DRC10: variants seen among roughly 807,000 people sequenced by gnomAD.
The protein encoded by DRC10 is IQ domain-containing protein D.
the DRC10 span, chr12:113,203,223 C>T: frequency 3.0e-6 from 1 of 332,848 alleles, no homozygotes; most frequent in Admixed American, 3.8e-5. Flanking sequence ...CAGGGTTTTG[C>T]CGTGTTGCCC....
the DRC10 span, chr12:113,207,761 G>C: frequency 9.1e-4 from 1,470 of 1,614,156 alleles, 13 homozygotes; most frequent in African/African-American, 0.018. Context: ...GATTTCTGCA[G>C]CTCTATGGAA....
the DRC10 span, among the ~76,000 whole-genome samples, chr12:113,204,853 T>C: frequency 3.3e-5 from 5 of 151,960 alleles, no homozygotes; most frequent in African/African-American, 7.2e-5. Context: ...CACTTGAACC[T>C]GGGAGGTGAA....
At chr12:113,207,627 G>T in the DRC10 span, 2 of 1,614,052 alleles carry the variant, frequency 1.2e-6, no homozygotes, top group South Asian at 2.2e-5. Flanking sequence ...TAAAATTCTG[G>T]GCTTCTGCAC....
At chr12:113,217,865 A>G in the DRC10 span, among the ~76,000 whole-genome samples, 1 of 152,190 alleles carries the variant, frequency 6.6e-6, no homozygotes, top group Admixed American at 6.6e-5. Context: ...GATAGTTCAT[A>G]TAAATGGGAT....
chr12:113,213,259 C>T, the DRC10 span, among the ~76,000 whole-genome samples: 5 of 146,872 alleles, frequency 3.4e-5, no homozygotes, highest in African/African-American at 7.5e-5. Context: ...TAAATTCACT[C>T]TTAATTTAGG....
chr12:113,213,389 T>G, the DRC10 span, among the ~76,000 whole-genome samples: 6 of 152,238 alleles, frequency 3.9e-5, no homozygotes, highest in Non-Finnish European at 8.8e-5. Context: ...TTTTCCATCC[T>G]CATCCGGATC....
At chr12:113,212,635 G>A in the DRC10 span, among the ~76,000 whole-genome samples, 1 of 152,174 alleles carries the variant, frequency 6.6e-6, no homozygotes, top group Non-Finnish European at 1.5e-5. Flanking sequence ...GCTTTAAAGG[G>A]CAAACTTGTT....
chr12:113,202,874 T>C, the DRC10 span: 1 of 295,180 alleles, frequency 3.4e-6, no homozygotes, highest in Admixed American at 3.8e-5. Flanking sequence ...AAGCCACAGC[T>C]ATTTTGGGTG....
the DRC10 span, among the ~76,000 whole-genome samples, chr12:113,197,311 ACAGGCATGAGC>A: frequency 6.6e-6 from 1 of 151,282 alleles, no homozygotes; most frequent in Non-Finnish European, 1.5e-5. Context: ...TGCTGGGATT[ACAGGCATGAGC>A]CACAGCACCT....
the DRC10 span, chr12:113,208,111 C>A: frequency 6.2e-7 from 1 of 1,614,166 alleles, no homozygotes; most frequent in Non-Finnish European, 8.5e-7. Flanking sequence ...TGGCCCTATT[C>A]TGTTGATGGC....
At chr12:113,198,073 C>G in the DRC10 span, among the ~76,000 whole-genome samples, 1 of 152,152 alleles carries the variant, frequency 6.6e-6, no homozygotes, top group Non-Finnish European at 1.5e-5. Context: ...AAAAATTAGC[C>G]AGGCATGGTG....
the DRC10 span, among the ~76,000 whole-genome samples, chr12:113,199,094 C>T: frequency 9.2e-5 from 14 of 152,110 alleles, no homozygotes; most frequent in East Asian, 2.1e-3. Context: ...CATGCCACCA[C>T]GCCCGGCTAA....
At chr12:113,217,638 T>G in the DRC10 span, among the ~76,000 whole-genome samples, 5 of 152,196 alleles carry the variant, frequency 3.3e-5, no homozygotes, top group Non-Finnish European at 5.9e-5. Flanking sequence ...TTCAAGCAAT[T>G]CTCGTGCCTC....
the DRC10 span, chr12:113,207,283 G>A: frequency 1.4e-6 from 1 of 730,276 alleles, no homozygotes; most frequent in Non-Finnish European, 2.5e-6. Context: ...GGGAGGCAGA[G>A]GTTGCAGTGA....
the DRC10 span, among the ~76,000 whole-genome samples, chr12:113,199,399 CATAAATAA>C: frequency 7.9e-4 from 119 of 150,792 alleles, 1 homozygote; most frequent in Admixed American, 9.2e-4. Context: ...CTGTCTCAAA[CATAAATAA>C]ATAAATAAAT....
the DRC10 span, among the ~76,000 whole-genome samples, chr12:113,196,250 G>A: frequency 6.6e-6 from 1 of 152,108 alleles, no homozygotes; most frequent in African/African-American, 2.4e-5. Context: ...CTGTTTCTAG[G>A]ATTAAATGAC....
At chr12:113,200,810 C>T in the DRC10 span, 11 of 1,526,598 alleles carry the variant, frequency 7.2e-6, no homozygotes. Flanking sequence ...TTCTCCTTTT[C>T]CACCTAAGCC....
the DRC10 span, among the ~76,000 whole-genome samples, chr12:113,198,651 AATGGAT>A: frequency 1.3e-5 from 2 of 152,144 alleles, no homozygotes; most frequent in Admixed American, 1.3e-4. Context: ...GTAACTTCTT[AATGGAT>A]ATGGAGTTTT....
the DRC10 span, chr12:113,207,538 T>C: frequency 6.2e-7 from 1 of 1,614,042 alleles, no homozygotes; most frequent in Non-Finnish European, 8.5e-7. Context: ...CTGTAAGAAC[T>C]GGGCCTTATC....
Sources: allele counts gnomAD v4.1 joint callset (sites outside exome capture counted in the v4.1 genomes callset), GRCh38; gene constraint gnomAD v4.1.1; transcripts MANE v1.5; gene names NCBI Gene and HGNC (gene_info 2026-07-23, HGNC 2026-07-21).